The following USP20 variants were observed in gnomAD, a reference collection of about 807,000 sequenced individuals.
USP20 encodes the protein ubiquitin specific peptidase 20, also known as ubiquitin carboxyl-terminal hydrolase 20.
In USP20, 80 loss-of-function variants were observed where a neutral mutation model predicts 124.2. That is an observed-to-expected ratio of 0.64 (90% confidence interval 0.54 to 0.78). USP20 has a LOEUF of 0.78. USP20 is among the 30% of genes least tolerant of loss of function. The pLI is 0.00. For missense variants in USP20, 1,043 were observed against 1,244.4 expected (o/e 0.84, Z 2.44); for synonymous variants, 481 against 512.3 (o/e 0.94, Z 0.83).
chr9:129,871,547 G>A (rs1001198058), intron 15 of USP20, among the ~76,000 whole-genome samples: 1 of 151,974 alleles, frequency 6.6e-6, no homozygotes, highest in Non-Finnish European at 1.5e-5. Flanking sequence ...ATTTCTCGAG[G>A]AGCCACCGTA....
chr9:129,878,505 A>C, intron 23 of USP20, 65 bp downstream of exon 23: 12 of 1,423,118 alleles, frequency 8.4e-6, no homozygotes, highest in Non-Finnish European at 8.6e-6. Flanking sequence ...GGATGCTGGC[A>C]GGGGAGGGCT....
Position 129,839,744 on chromosome 9 carries a change from C to T in USP20, c.-129+4245C>T, listed in dbSNP as rs993250477. ...TCCCCATCCTGAGGGACTGGTTCCTCGCTGGGAGGAGGAGGATGTAGCCAG... is the reference window on the plus strand; with the variant it reads ...TCCCCATCCTGAGGGACTGGTTCCTTGCTGGGAGGAGGAGGATGTAGCCAG... On this transcript the variant is annotated intron_variant, in intron 1 of 25. Transcript: ENST00000372429. This position sits in a 1 kb window ranked among gnomAD's most constrained non-coding sequence, Gnocchi z 4.5. Among the ~76,000 whole-genome samples the T allele has an allele frequency of 2.6e-5, 4 of 151,974 alleles. No individual in the cohort carries two copies. Among genetic ancestry groups the T allele is most frequent in the African/African-American group, 9.7e-5 (4 of 41,338 alleles).
intron 10 of USP20, among the ~76,000 whole-genome samples, chr9:129,867,313 C>T (rs2033866798): frequency 6.6e-6 from 1 of 152,218 alleles, no homozygotes; most frequent in African/African-American, 2.4e-5. Flanking sequence ...TGGCTTCCTG[C>T]TGTGCTGGTG....
chr9:129,860,101 CG>C (rs2033458739), intron 6 of USP20, among the ~76,000 whole-genome samples: 1 of 151,930 alleles, frequency 6.6e-6, no homozygotes, highest in African/African-American at 2.4e-5. Context: ...GAGGCCGAGG[CG>C]GGCAGATCAC....
At chr9:129,856,465 C>A (rs918097778) in intron 4 of USP20, 105 bp downstream of exon 4, 5 of 1,337,164 alleles carry the variant, frequency 3.7e-6, no homozygotes, top group Non-Finnish European at 5.3e-6. Flanking sequence ...GAACTTCCAT[C>A]CCTAGTGGGC....
chr9:129,871,444 C>T (rs575101833), intron 15 of USP20, among the ~76,000 whole-genome samples: 3 of 152,286 alleles, frequency 2.0e-5, no homozygotes, highest in Admixed American at 1.3e-4. Flanking sequence ...ACACTCAGGC[C>T]GCTTCCCTGT....
At chr9:129,857,855 G>C (rs553801023) in intron 4 of USP20, among the ~76,000 whole-genome samples, 195 bp from the exon 5 acceptor site, 1 of 152,330 alleles carries the variant, frequency 6.6e-6, no homozygotes, top group South Asian at 2.1e-4. Context: ...GCTGTTTACT[G>C]TCCATCACTG....
rs1186406387 is a variant in USP20 at position 129,874,560 on chromosome 9, C to G, written c.1741-16C>G. The G allele has an allele frequency of 5.6e-6, 9 of 1,610,444 alleles. No homozygotes were observed. The highest frequency in any genetic ancestry group is 7.6e-6 in the Non-Finnish European group (9 of 1,177,742). Reference sequence around the variant, plus strand: ...CATTTCTTCCTAGATGACCGGCGCTCTCTCTGTCCCCGCAGATCCTGTGCA... The same window carrying G: ...CATTTCTTCCTAGATGACCGGCGCTGTCTCTGTCCCCGCAGATCCTGTGCA... On this transcript the variant is annotated splice_polypyrimidine_tract_variant and intron_variant, in intron 17 of 25. Coordinates refer to ENST00000372429, the MANE Select transcript of USP20 (RefSeq NM_001110303.4).
intron 3 of USP20, among the ~76,000 whole-genome samples, chr9:129,854,583 T>C (rs745367180): frequency 6.6e-6 from 1 of 152,180 alleles, no homozygotes; most frequent in Non-Finnish European, 1.5e-5. Context: ...ACACAGCATA[T>C]AGATGTCATC....
chr9:129,837,050 C>G (rs1197616748), intron 1 of USP20, among the ~76,000 whole-genome samples: 2 of 152,208 alleles, frequency 1.3e-5, no homozygotes, highest in African/African-American at 4.8e-5. Flanking sequence ...GCTGCTCCCA[C>G]CCTTGCTCCA....
intron 1 of USP20, among the ~76,000 whole-genome samples, chr9:129,846,380 C>T (rs944066710): frequency 1.4e-4 from 20 of 147,866 alleles, no homozygotes; most frequent in Admixed American, 3.5e-4. Flanking sequence ...CACAGCTTCC[C>T]GAGTAGCTGG....
intron 15 of USP20, among the ~76,000 whole-genome samples, chr9:129,872,454 G>A (rs766279902): frequency 6.6e-6 from 1 of 152,040 alleles, no homozygotes; most frequent in Non-Finnish European, 1.5e-5. Flanking sequence ...TGCCGGCCTC[G>A]TTAGTTAGAG....
At chr9:129,862,212 A>G (rs546589620) in intron 8 of USP20, among the ~76,000 whole-genome samples, 7 of 152,302 alleles carry the variant, frequency 4.6e-5, no homozygotes, top group South Asian at 4.1e-4. Flanking sequence ...AAATGTTCCT[A>G]GTAACTATCC....
chr9:129,847,294 C>T lies in USP20; in HGVS notation c.-128-2519C>T, dbSNP rs531222928. On this transcript the variant is annotated intron_variant, in intron 1 of 25. Coordinates refer to ENST00000372429, the MANE Select transcript of USP20 (RefSeq NM_001110303.4). Reference sequence around the variant, plus strand: ...ATTTATCCACACCCTCGCCAACAGCCAACACTTTTTTTTTTTTTTTTTTTT... The same window carrying T: ...ATTTATCCACACCCTCGCCAACAGCTAACACTTTTTTTTTTTTTTTTTTTT... Among the ~76,000 whole-genome samples the T allele has an allele frequency of 1.5e-4, 23 of 148,950 alleles. No homozygotes were observed. The South Asian group carries it at 2.4e-3, about 15-fold the overall frequency.
At chr9:129,863,720 C>A (rs767180791) in intron 9 of USP20, among the ~76,000 whole-genome samples, 7 of 152,136 alleles carry the variant, frequency 4.6e-5, no homozygotes, top group African/African-American at 1.4e-4. Context: ...AGATCAGAGT[C>A]TGTGATTAGA....
Position 129,879,528 on chromosome 9 carries a change from A to G in USP20, c.2513-45A>G. On this transcript the variant is annotated intron_variant, in intron 23 of 25. Transcript: ENST00000372429. The surrounding 1 kb of genome is among the most constrained non-coding windows in gnomAD (Gnocchi z 4.2). The stretch of plus-strand genomic sequence containing the variant: ...ATGGCTCTGCTGCTGTGGAGGGTGG[A>G]GGGCATGGCAGGGGCTGAACCCGAG... 1 of 1,602,900 alleles carries G rather than the reference A, an allele frequency of 6.2e-7. No homozygotes were observed. Among genetic ancestry groups the G allele is most frequent in the Non-Finnish European group, 8.5e-7 (1 of 1,171,394 alleles).
At chr9:129,853,187 A>G (rs1372251668) in intron 3 of USP20, among the ~76,000 whole-genome samples, 4 of 120,278 alleles carry the variant, frequency 3.3e-5, no homozygotes, top group African/African-American at 1.3e-4. Flanking sequence ...TCTCTTTTGT[A>G]TCTTTTCAGT....
intron 22 of USP20, among the ~76,000 whole-genome samples, chr9:129,876,986 C>T (rs2034437075): frequency 6.6e-6 from 1 of 152,072 alleles, no homozygotes. Flanking sequence ...TGGGTGAGAA[C>T]CACTGGGCTC....
intron 2 of USP20, among the ~76,000 whole-genome samples, chr9:129,851,676 G>A (rs899469050): frequency 3.9e-5 from 6 of 152,204 alleles, no homozygotes; most frequent in African/African-American, 1.4e-4. Flanking sequence ...ATTTAAAAGG[G>A]AAAGAAACGC....
Sources: gnomAD v4.1 joint callset for allele counts (sites outside exome capture counted in the v4.1 genomes callset) on GRCh38, gnomAD v4.1.1 for gene constraint, Gnocchi (gnomAD v3.1) non-coding constraint, MANE v1.5 for transcripts, NCBI Gene and HGNC (gene_info 2026-07-23, HGNC 2026-07-21) for gene names.